S100Z: variants seen among roughly 807,000 people sequenced by gnomAD.
S100Z encodes the protein protein S100-Z.
S100Z carries 11 observed loss-of-function variants against 8.5 expected under a neutral mutation model. That is an observed-to-expected ratio of 1.30 (90% CI 0.82 to 2.15). S100Z has a LOEUF of 2.15. Ranked by LOEUF, S100Z falls within the 30% of genes most tolerant of loss-of-function variation. The pLI, the probability that S100Z is intolerant of heterozygous loss-of-function variation, is 0.00. For synonymous variants in S100Z, 34 were observed against 43.8 expected (o/e 0.78, Z 0.89); for missense variants, 126 against 117.9 (o/e 1.07, Z -0.32).
chr5:76,939,248 G>A, the S100Z span, among the ~76,000 whole-genome samples: 32 of 150,392 alleles, frequency 2.1e-4, no homozygotes, highest in African/African-American at 7.1e-4. Flanking sequence ...CGCCTCCCGG[G>A]TTCATGCCAT....
the S100Z span, among the ~76,000 whole-genome samples, chr5:76,944,051 C>T: frequency 6.6e-6 from 1 of 152,036 alleles, no homozygotes; most frequent in South Asian, 2.1e-4. Flanking sequence ...CCTGGGAGTC[C>T]CCTACTTGCC....
At chr5:76,922,673 G>A (rs1050879871), downstream of S100Z, among the ~76,000 whole-genome samples, 4 of 152,028 alleles carry the variant, frequency 2.6e-5, no homozygotes, top group African/African-American at 4.8e-5. Context: ...ACAGGCACCC[G>A]CTACCACGCC....
At chr5:76,931,611 G>A in the S100Z span, among the ~76,000 whole-genome samples, 2 of 152,122 alleles carry the variant, frequency 1.3e-5, no homozygotes, top group African/African-American at 2.4e-5. Context: ...CTTCAGCCCC[G>A]TAGCGTGGTT....
the S100Z span, among the ~76,000 whole-genome samples, chr5:76,947,674 C>A: frequency 6.6e-6 from 1 of 152,018 alleles, no homozygotes; most frequent in Non-Finnish European, 1.5e-5. Context: ...GACATATAGA[C>A]CAATTGAGCA....
intron 4 of S100Z, among the ~76,000 whole-genome samples, chr5:76,917,820 C>A (rs1161763016): frequency 1.6e-3 from 208 of 130,496 alleles, no homozygotes; most frequent in South Asian, 1.7e-3. Context: ...AAGACTGTCT[C>A]AAAAAAAAAA....
chr5:76,886,440 C>T lies in S100Z; in HGVS notation c.*2+8606C>T, dbSNP rs865938760. 2.8e-4 allele frequency among the ~76,000 whole-genome samples: 43 copies of T among 152,302 alleles called. No homozygotes were observed. The South Asian group carries it at 4.6e-3, about 16-fold the overall frequency. ...TGGAGAAGAGAGTAAAAAGAGGCCACTTACCCGATTTAAAATCGGTGAGAT... is the reference window on the plus strand; with the variant it reads ...TGGAGAAGAGAGTAAAAAGAGGCCATTTACCCGATTTAAAATCGGTGAGAT... On this transcript the variant is annotated intron_variant, in intron 4 of 4. Coordinates refer to ENST00000317593, the MANE Select transcript of S100Z (RefSeq NM_130772.4).
At chr5:76,866,142 T>C (rs775736672) in intron 1 of S100Z, among the ~76,000 whole-genome samples, 2 of 147,944 alleles carry the variant, frequency 1.4e-5, no homozygotes, top group Non-Finnish European at 2.9e-5. Context: ...TGGAGTGCAG[T>C]GTAGTGATCT....
At chr5:76,865,999 A>G (rs544573070) in intron 1 of S100Z, among the ~76,000 whole-genome samples, 3 of 151,198 alleles carry the variant, frequency 2.0e-5, no homozygotes, top group East Asian at 3.9e-4. Context: ...TGGGCGACAG[A>G]GTGAGACTCC....
chr5:76,885,022 A>T (rs947729131), intron 4 of S100Z, among the ~76,000 whole-genome samples: 1 of 152,150 alleles, frequency 6.6e-6, no homozygotes, highest in Non-Finnish European at 1.5e-5. Context: ...CCATTTTTTG[A>T]CAAAAATTGT....
intron 1 of S100Z, among the ~76,000 whole-genome samples, chr5:76,863,728 C>G (rs575533532): frequency 6.6e-6 from 1 of 151,790 alleles, no homozygotes. Context: ...TTAGTAGAGA[C>G]GGGGTTTCAC....
chr5:76,889,300 A>G (rs1743773835), intron 4 of S100Z, among the ~76,000 whole-genome samples: 1 of 152,202 alleles, frequency 6.6e-6, no homozygotes, highest in African/African-American at 2.4e-5. Flanking sequence ...AATTCAACGT[A>G]AGACAAGAGC....
intron 4 of S100Z, among the ~76,000 whole-genome samples, chr5:76,896,437 G>A (rs1744040840): frequency 6.6e-6 from 1 of 152,144 alleles, no homozygotes; most frequent in South Asian, 2.1e-4. Flanking sequence ...ACATTCATCG[G>A]TTGATGGACA....
At chr5:76,904,440 C>A (rs942359838) in intron 4 of S100Z, among the ~76,000 whole-genome samples, 5 of 152,162 alleles carry the variant, frequency 3.3e-5, no homozygotes, top group African/African-American at 1.2e-4. Flanking sequence ...GCCATCATGC[C>A]TGGCTAATTT....
chr5:76,896,985 C>T (rs917762196), intron 4 of S100Z, among the ~76,000 whole-genome samples: 4 of 151,950 alleles, frequency 2.6e-5, no homozygotes, highest in South Asian at 2.1e-4. Context: ...GATTTGTTTC[C>T]GGGTTCTCTA....
At chr5:76,879,254 G>A (rs1375674766) in intron 4 of S100Z, among the ~76,000 whole-genome samples, 4 of 152,236 alleles carry the variant, frequency 2.6e-5, no homozygotes, top group Middle Eastern at 6.8e-3. Context: ...TATGAGGACC[G>A]TGGAGAAAAA....
chr5:76,906,097 T>C (rs956033238), intron 4 of S100Z, among the ~76,000 whole-genome samples: 1 of 152,208 alleles, frequency 6.6e-6, no homozygotes, highest in African/African-American at 2.4e-5. Context: ...CCCAAAGTAA[T>C]GGGATTATAG....
At chr5:76,884,109 T>C (rs1243815574) in intron 4 of S100Z, among the ~76,000 whole-genome samples, 6 of 152,182 alleles carry the variant, frequency 3.9e-5, no homozygotes, top group Non-Finnish European at 7.4e-5. Context: ...AATTGGTTAA[T>C]AAAATAAAAT....
At chr5:76,858,191 C>T (rs1185079911) in intron 1 of S100Z, among the ~76,000 whole-genome samples, 1 of 152,208 alleles carries the variant, frequency 6.6e-6, no homozygotes, top group African/African-American at 2.4e-5. Context: ...TCTTGCCAGT[C>T]CAGTCATGGC....
At chr5:76,895,983 GAACT>G (rs1212338234) in intron 4 of S100Z, among the ~76,000 whole-genome samples, 2 of 151,788 alleles carry the variant, frequency 1.3e-5, no homozygotes, top group Non-Finnish European at 2.9e-5. Context: ...GGCTGCTCTT[GAACT>G]CCTGACCTCA....
Sources: allele counts gnomAD v4.1 joint callset (sites outside exome capture counted in the v4.1 genomes callset), GRCh38; gene constraint gnomAD v4.1.1; transcripts MANE v1.5; gene names NCBI Gene and HGNC (gene_info 2026-07-23, HGNC 2026-07-21).